NTN1: variants seen among roughly 807,000 people sequenced by gnomAD.
NTN1 encodes netrin 1.
NTN1 carries 11 observed loss-of-function variants against 54.2 expected under a neutral mutation model. That is an observed-to-expected ratio of 0.20 (90% CI 0.13 to 0.34). NTN1 has a LOEUF of 0.34. Ranked by LOEUF, NTN1 falls within the 10% of genes least tolerant of loss-of-function variation. The pLI is 1.00. For synonymous variants in NTN1, 371 were observed against 382.0 expected, an observed-to-expected ratio of 0.97 and a Z score of 0.33; for missense variants, 740 against 893.1, an observed-to-expected ratio of 0.83 and a Z score of 2.18.
chr17:9,199,849 GTCA>G (rs1904733773), intron 5 of NTN1, among the ~76,000 whole-genome samples: 1 of 152,334 alleles, frequency 6.6e-6, no homozygotes, highest in South Asian at 2.1e-4. Flanking sequence ...GCGGCCACCT[GTCA>G]TCATGATGTT....
At chr17:9,124,097 G>A (rs1000043591) in intron 2 of NTN1, among the ~76,000 whole-genome samples, 1 of 152,140 alleles carries the variant, frequency 6.6e-6, no homozygotes, top group African/African-American at 2.4e-5. Flanking sequence ...ACCTAGGAAA[G>A]GCTGGGTCTG....
chr17:9,228,853 A>T (rs77945077), intron 6 of NTN1, among the ~76,000 whole-genome samples: 26 of 44,802 alleles, frequency 5.8e-4, no homozygotes, highest in African/African-American at 9.0e-4. Context: ...TGTGTGTGTG[A>T]CTGTGTATGA....
intron 3 of NTN1, among the ~76,000 whole-genome samples, chr17:9,170,274 C>T (rs544316554): frequency 5.5e-4 from 84 of 152,220 alleles, no homozygotes; most frequent in African/African-American, 1.5e-3. Context: ...GGAGGATGTC[C>T]GGGCATGTAG....
rs1488962436 is a variant in NTN1 at position 9,243,528 on chromosome 17, G to A, written c.*3560G>A. On this transcript the variant is annotated 3_prime_UTR_variant, in exon 7 of 7. Transcript: ENST00000173229. ...CCAGAGTGGACAGACTAGACCCATT[G>A]ATGGGGCCACTGGCCATGGTCCGTG... The A allele has an allele frequency of 2.0e-5, 3 of 152,234 alleles. No homozygotes were observed. The East Asian group carries it at 5.8e-4, about 29-fold the overall frequency. The allele number at this position is 152,234 out of a possible 1,614,324, so 9.4% of individuals were successfully genotyped here. A position where few individuals can be genotyped will look rare whatever the true frequency, so the allele number is the denominator to read the frequency against.
At chr17:9,163,174 ACACACACACACG>A (rs1178098761) in intron 3 of NTN1, among the ~76,000 whole-genome samples, 173 bp downstream of exon 3, 1 of 136,816 alleles carries the variant, frequency 7.3e-6, no homozygotes, top group Non-Finnish European at 1.6e-5. Context: ...ACACACACAC[ACACACACACACG>A]CCTCCCTGGT....
At chr17:9,063,836 C>T (rs2092006540) in intron 2 of NTN1, among the ~76,000 whole-genome samples, 1 of 39,262 alleles carries the variant, frequency 2.5e-5, no homozygotes, top group South Asian at 1.3e-3. Flanking sequence ...GCGTGAGCCC[C>T]AAAGATTTTT....
chr17:9,091,240 G>A (rs1245454660), intron 2 of NTN1, among the ~76,000 whole-genome samples: 2 of 152,022 alleles, frequency 1.3e-5, no homozygotes, highest in Admixed American at 6.6e-5. Flanking sequence ...AACATAAAAT[G>A]TACCATCTAA....
intron 2 of NTN1, among the ~76,000 whole-genome samples, chr17:9,080,468 A>C (rs557704533): frequency 2.6e-5 from 4 of 152,252 alleles, no homozygotes; most frequent in Non-Finnish European, 5.9e-5. Context: ...TCTAACTTAG[A>C]ACATTTGAAA....
chr17:9,008,355 G>A, the NTN1 span, among the ~76,000 whole-genome samples: 4 of 151,988 alleles, frequency 2.6e-5, no homozygotes, highest in African/African-American at 2.4e-5. Context: ...GTCCCACTCT[G>A]TCCCCCAGGC....
At position 9,129,598 on chromosome 17, in the gene NTN1, C is replaced by A. The variant is rs186732249; in HGVS notation, c.1019-33215C>A. On this transcript the variant is annotated intron_variant, in intron 2 of 6. Transcript: ENST00000173229. Reference sequence around the variant, plus strand: ...TATAAATGAAATCAGGAATCTCCCCCAAAAGCATGTCACCCTCGGCGTCTG... The same window carrying A: ...TATAAATGAAATCAGGAATCTCCCCAAAAAGCATGTCACCCTCGGCGTCTG... Among the ~76,000 whole-genome samples, 34 of 152,298 alleles carry A rather than the reference C, an allele frequency of 2.2e-4. No individual in the cohort carries two copies. In the East Asian group the frequency reaches 4.4e-3, roughly 20 times the overall value.
intron 2 of NTN1, among the ~76,000 whole-genome samples, chr17:9,121,088 C>G (rs1014492068): frequency 6.6e-6 from 1 of 151,954 alleles, no homozygotes; most frequent in Admixed American, 6.6e-5. Flanking sequence ...CTGTGTGGTG[C>G]GAGGAAAAAG....
Position 9,022,659 on chromosome 17 carries a change from G to T in NTN1, c.286G>T (p.Ala96Ser), listed in dbSNP as rs868376697. Reference protein sequence around the residue: ...ERLRSCHLCNASDPKKAHPPA... With the variant: ...ERLRSCHLCNSSDPKKAHPPA... ...GCTGCGCTCGTGCCACCTCTGCAAC[G>T]CGTCCGACCCCAAGAAGGCGCACCC... The change falls in exon 2 of 7, where the codon GCG becomes TCG. Residue 96 changes from alanine to serine, a missense_variant. Physicochemically the swap from Ala to Ser is moderately conservative, Grantham distance 99. Transcript: ENST00000173229. The T allele has an allele frequency of 6.4e-7, 1 of 1,568,440 alleles. No individual in the cohort carries two copies. Among genetic ancestry groups the T allele is most frequent in the Non-Finnish European group, 8.6e-7 (1 of 1,158,274 alleles).
At chr17:9,131,331 G>A (rs914359955) in intron 2 of NTN1, among the ~76,000 whole-genome samples, 1 of 152,144 alleles carries the variant, frequency 6.6e-6, no homozygotes. Context: ...AATGCGCTGT[G>A]TTCATTGTTT....
At chr17:9,238,815 G>C (rs1255034792) in intron 6 of NTN1, among the ~76,000 whole-genome samples, 1 of 152,202 alleles carries the variant, frequency 6.6e-6, no homozygotes, top group Non-Finnish European at 1.5e-5. Flanking sequence ...CTGAGTCAAT[G>C]ACATCGGCAC....
chr17:9,198,390 TCCA>T (rs1904694529), intron 5 of NTN1, among the ~76,000 whole-genome samples: 1 of 152,206 alleles, frequency 6.6e-6, no homozygotes, highest in East Asian at 1.9e-4. Context: ...GAAAGCAGTG[TCCA>T]TCCGTCAAGG....
intron 2 of NTN1, among the ~76,000 whole-genome samples, chr17:9,123,971 T>TA (rs1478579678): frequency 6.6e-6 from 1 of 152,168 alleles, no homozygotes; most frequent in African/African-American, 2.4e-5. Context: ...CTGTTTTTTT[T>TA]AGAGTTTTTC....
chr17:9,075,298 T>C (rs1019260489), intron 2 of NTN1, among the ~76,000 whole-genome samples: 2 of 152,084 alleles, frequency 1.3e-5, no homozygotes, highest in African/African-American at 2.4e-5. Context: ...CTGGCCAACA[T>C]GGTGAAACCC....
Position 9,219,954 on chromosome 17 carries a change from C to T in NTN1, c.1412-1214C>T, listed in dbSNP as rs753629462. Among the ~76,000 whole-genome samples, 21 of 152,250 alleles carry T rather than the reference C, an allele frequency of 1.4e-4. No homozygotes were observed. Among genetic ancestry groups the T allele is most frequent in the Admixed American group, 3.9e-4 (6 of 15,290 alleles). On this transcript the variant is annotated intron_variant, in intron 5 of 6. Coordinates refer to ENST00000173229, the MANE Select transcript of NTN1 (RefSeq NM_004822.3). This position sits in a 1 kb window ranked among gnomAD's most constrained non-coding sequence, Gnocchi z 4.5. The stretch of plus-strand genomic sequence containing the variant: ...ACCCATGCCACCACTGCTTCTAGAA[C>T]AGGCTGGGCCCCCTGCAGCTCCCTG...
intron 2 of NTN1, among the ~76,000 whole-genome samples, chr17:9,121,592 TC>T (rs1471204141): frequency 5.9e-5 from 9 of 152,134 alleles, no homozygotes; most frequent in Non-Finnish European, 8.8e-5. Context: ...CCGCTGCCTC[TC>T]CCCACATTTT....
Sources: allele counts gnomAD v4.1 joint callset (sites outside exome capture counted in the v4.1 genomes callset), GRCh38; gene constraint gnomAD v4.1.1; non-coding constraint Gnocchi (gnomAD v3.1); transcripts MANE v1.5; gene names NCBI Gene and HGNC (gene_info 2026-07-23, HGNC 2026-07-21).